The following CNBD1 variants were observed in gnomAD, a reference collection of about 807,000 sequenced individuals.
CNBD1 encodes the protein cyclic nucleotide-binding domain-containing protein 1.
In CNBD1, 71 loss-of-function variants were observed where a neutral mutation model predicts 54.4. The observed-to-expected ratio is 1.30, with a 90% CI of 1.08 to 1.59. The LOEUF is 1.59. Ranked by LOEUF, CNBD1 falls within the 40% of genes most tolerant of loss-of-function variation. The pLI, the probability that CNBD1 is intolerant of heterozygous loss-of-function variation, is 0.00. For missense variants in CNBD1, 659 were observed against 518.0 expected (o/e 1.27, Z -2.64); for synonymous variants, 182 against 170.7 (o/e 1.07, Z -0.51).
At position 87,425,746 on chromosome 8, in the gene CNBD1, T is replaced by G. The variant is rs1808034644; in HGVS notation, c.214-2800T>G. On this transcript the variant is annotated intron_variant, in intron 2 of 7. Coordinates refer to the CNBD1 transcript ENST00000521593. Reference sequence around the variant, plus strand: ...AAGCTGTCAGACAGGGACATTTAAGTCTGCAGAGGTTACTGCTGTCTTTTT... The same window carrying G: ...AAGCTGTCAGACAGGGACATTTAAGGCTGCAGAGGTTACTGCTGTCTTTTT... Among the ~76,000 whole-genome samples, 3 of 152,136 alleles carry G rather than the reference T, an allele frequency of 2.0e-5. No homozygotes were observed. The South Asian group carries it at 6.2e-4, about 32-fold the overall frequency.
chr8:87,017,598 A>T (rs1237453624), intron 4 of CNBD1, among the ~76,000 whole-genome samples: 3 of 152,228 alleles, frequency 2.0e-5, no homozygotes, highest in Non-Finnish European at 4.4e-5. Context: ...CCTCTTTTCT[A>T]AAACTAATTG....
Position 87,302,689 on chromosome 8 carries a change from T to C in CNBD1, c.1042+16018T>C, listed in dbSNP as rs1304995733. Among the ~76,000 whole-genome samples the C allele has an allele frequency of 2.6e-5, 4 of 151,824 alleles. No individual in the cohort carries two copies. The South Asian group carries it at 8.3e-4, about 32-fold the overall frequency. On this transcript the variant is annotated intron_variant, in intron 8 of 10. Coordinates refer to ENST00000518476, the MANE Select transcript of CNBD1 (RefSeq NM_173538.3). ...GGTATTCAATTAGGAAAAGAGGAAG[T>C]CAAATTGTCCCTGTTTGCTGATGAC... is the stretch of plus-strand genomic sequence containing the variant.
At chr8:87,162,669 C>T (rs1398156960) in intron 4 of CNBD1, among the ~76,000 whole-genome samples, 1 of 151,942 alleles carries the variant, frequency 6.6e-6, no homozygotes, top group African/African-American at 2.4e-5. Context: ...GCTGGAAAGC[C>T]CAGATTAAGG....
intron 10 of CNBD1, among the ~76,000 whole-genome samples, chr8:87,375,504 T>G (rs1290155345): frequency 6.6e-6 from 1 of 151,808 alleles, no homozygotes; most frequent in Admixed American, 6.6e-5. Context: ...AAGTTTACAA[T>G]AACCATCTTT....
At chr8:87,042,941 T>C (rs1339679033) in intron 4 of CNBD1, among the ~76,000 whole-genome samples, 1 of 152,174 alleles carries the variant, frequency 6.6e-6, no homozygotes, top group Non-Finnish European at 1.5e-5. Context: ...TGCATATGTG[T>C]GCTGTGTGTG....
intron 4 of CNBD1, among the ~76,000 whole-genome samples, chr8:87,146,716 TCAAA>T (rs897272275): frequency 6.6e-5 from 10 of 152,230 alleles, no homozygotes. Context: ...AAGTATGCAT[TCAAA>T]CAAACAATGT....
At chr8:87,162,847 C>T (rs1024888487) in intron 4 of CNBD1, among the ~76,000 whole-genome samples, 16 of 152,010 alleles carry the variant, frequency 1.1e-4, no homozygotes, top group African/African-American at 3.1e-4. Flanking sequence ...GTGTTGCCAA[C>T]GTGATGGTAG....
intron 1 of CNBD1, among the ~76,000 whole-genome samples, chr8:86,870,725 G>C (rs897896989): frequency 6.6e-6 from 1 of 152,076 alleles, no homozygotes; most frequent in South Asian, 2.1e-4. Flanking sequence ...TCCTAGGAAT[G>C]CAGGTAAGAA....
At chr8:86,945,965 A>G (rs891371844) in intron 4 of CNBD1, among the ~76,000 whole-genome samples, 3 of 152,172 alleles carry the variant, frequency 2.0e-5, no homozygotes, top group Non-Finnish European at 2.9e-5. Flanking sequence ...TGTGTTCTCA[A>G]CTGGACTCCT....
chr8:86,960,316 A>G (rs1284219783), intron 4 of CNBD1, among the ~76,000 whole-genome samples: 1 of 152,056 alleles, frequency 6.6e-6, no homozygotes, highest in African/African-American at 2.4e-5. Context: ...GTCTTAGCAA[A>G]CGGCACACCA....
chr8:87,260,697 A>T (rs1055147050), intron 6 of CNBD1, among the ~76,000 whole-genome samples: 1 of 151,938 alleles, frequency 6.6e-6, no homozygotes, highest in African/African-American at 2.4e-5. Flanking sequence ...TCACCATACC[A>T]TAGCCATGGA....
At chr8:87,229,931 G>A (rs1225031577) in intron 5 of CNBD1, among the ~76,000 whole-genome samples, 1 of 152,014 alleles carries the variant, frequency 6.6e-6, no homozygotes, top group Non-Finnish European at 1.5e-5. Flanking sequence ...TCACGCTGCT[G>A]TAAAGGAATA....
chr8:87,178,329 A>G (rs1813242001), intron 4 of CNBD1, among the ~76,000 whole-genome samples: 1 of 152,252 alleles, frequency 6.6e-6, no homozygotes, highest in Admixed American at 6.5e-5. Context: ...GAAAGCCTCA[A>G]TGAGAAGTTG....
intron 6 of CNBD1, among the ~76,000 whole-genome samples, chr8:87,248,374 T>G (rs768544517): frequency 5.3e-5 from 8 of 152,230 alleles, no homozygotes; most frequent in Non-Finnish European, 8.8e-5. Flanking sequence ...GGATCAACCT[T>G]CACCAGTAGT....
At chr8:87,150,976 G>T (rs1006829782) in intron 4 of CNBD1, among the ~76,000 whole-genome samples, 1 of 152,126 alleles carries the variant, frequency 6.6e-6, no homozygotes, top group Non-Finnish European at 1.5e-5. Context: ...AAAGAAGGTC[G>T]GGGCCTATCT....
intron 4 of CNBD1, among the ~76,000 whole-genome samples, chr8:86,944,531 A>T (rs1249512138): frequency 6.6e-6 from 1 of 152,212 alleles, no homozygotes; most frequent in Non-Finnish European, 1.5e-5. Context: ...GAAGAAGTGC[A>T]TTCTAGGGAA....
At chr8:87,353,593 G>A (rs890468324) in intron 9 of CNBD1, 43 bp from the exon 10 acceptor site, 10 of 1,264,832 alleles carry the variant, frequency 7.9e-6, no homozygotes, top group African/African-American at 1.5e-5. Context: ...TTCATTATAT[G>A]GAAGCAGTTG....
chr8:87,268,715 C>T lies in CNBD1; in HGVS notation c.772-15963C>T, dbSNP rs544400165. 3.3e-5 allele frequency among the ~76,000 whole-genome samples: 5 copies of T among 152,154 alleles called. No individual in the cohort carries two copies. In the South Asian group the frequency reaches 1.0e-3, roughly 32 times the overall value. ...AGCATTTTAAAATATATTCACTGGT[C>T]ACATGTATGTCTTCTTTTGAGAAGT... On this transcript the variant is annotated intron_variant, in intron 6 of 10. Transcript: ENST00000518476.
intron 8 of CNBD1, among the ~76,000 whole-genome samples, chr8:87,334,804 A>G (rs113837131): frequency 0.048 from 7,214 of 150,584 alleles, 214 homozygotes; most frequent in Non-Finnish European, 0.06. Flanking sequence ...GCTCACTGCA[A>G]TCTCCACCTC....
Sources: gnomAD v4.1 joint callset for allele counts (sites outside exome capture counted in the v4.1 genomes callset) on GRCh38, gnomAD v4.1.1 for gene constraint, MANE v1.5 for transcripts, NCBI Gene and HGNC (gene_info 2026-07-23, HGNC 2026-07-21) for gene names.